The following PALLD variants were observed in gnomAD, a reference collection of about 807,000 sequenced individuals.
PALLD encodes palladin.
A neutral mutation model predicts 123.5 loss-of-function variants in PALLD; 61 were observed. That is an observed-to-expected ratio of 0.49 (90% CI 0.40 to 0.61). The LOEUF (loss-of-function observed/expected upper bound fraction) is 0.61, where lower values mean the gene tolerates loss of function less well. Ranked by LOEUF, PALLD falls within the 20% of genes least tolerant of loss-of-function variation. The probability of loss-of-function intolerance (pLI) is 0.00; values close to 1 mark genes in which losing one functional copy is unlikely to be tolerated. For synonymous variants in PALLD, 465 were observed against 496.4 expected (o/e 0.94, Z 0.84); for missense variants, 1,273 against 1,377.0 (o/e 0.92, Z 1.20).
chr4:168,575,454 G>A (rs1013919263), intron 2 of PALLD, among the ~76,000 whole-genome samples: 9 of 151,964 alleles, frequency 5.9e-5, no homozygotes, highest in Non-Finnish European at 1.3e-4. Context: ...CAGCATGGGG[G>A]AAACCGCCCC....
chr4:168,909,209 T>C (rs182566108), intron 15 of PALLD, among the ~76,000 whole-genome samples: 158 of 152,350 alleles, frequency 1.0e-3, no homozygotes, highest in African/African-American at 3.4e-3. Context: ...TTTTGTTGTG[T>C]TGCTAAGTTA....
intron 1 of PALLD, among the ~76,000 whole-genome samples, chr4:168,501,371 AC>A (rs1761381796): frequency 6.6e-6 from 1 of 152,168 alleles, no homozygotes; most frequent in South Asian, 2.1e-4. Context: ...CTATGATCAC[AC>A]CATCGCACTA....
At chr4:168,727,658 T>C (rs186315851) in intron 10 of PALLD, among the ~76,000 whole-genome samples, 16 of 152,342 alleles carry the variant, frequency 1.1e-4, no homozygotes, top group African/African-American at 3.8e-4. Flanking sequence ...TTCTGTAGGT[T>C]GTCTGTTTAC....
chr4:168,890,937 G>A lies in PALLD; in HGVS notation c.1980G>A (p.Lys660=). 1 of 1,614,030 alleles carries A rather than the reference G, an allele frequency of 6.2e-7. No individual in the cohort carries two copies. Among genetic ancestry groups the A allele is most frequent in the Non-Finnish European group, 8.5e-7 (1 of 1,179,946 alleles). ...LAKPKLGFPK[K]ASRTARIASD... The stretch of plus-strand genomic sequence containing the variant: ...TATCCTGCAGAGGATTTCCAAAGAA[G>A]GCCAGTAGAACTGCTAGAATAGCCT... Residue 660 remains lysine (K), a synonymous_variant, in exon 11 of 22, where the codon AAG becomes AAA. Transcript: ENST00000505667.
chr4:168,697,822 C>T (rs1272217798), intron 8 of PALLD, among the ~76,000 whole-genome samples: 1 of 152,154 alleles, frequency 6.6e-6, no homozygotes, highest in Non-Finnish European at 1.5e-5. Context: ...GAACACTAGG[C>T]ATAAATGGGT....
chr4:168,744,965 G>C (rs1788709872), intron 10 of PALLD, among the ~76,000 whole-genome samples: 1 of 152,128 alleles, frequency 6.6e-6, no homozygotes, highest in African/African-American at 2.4e-5. Flanking sequence ...AACTTACGAT[G>C]AGTTTATTGG....
chr4:168,644,107 T>A (rs1777209236), intron 2 of PALLD, among the ~76,000 whole-genome samples: 1 of 144,890 alleles, frequency 6.9e-6, no homozygotes, highest in African/African-American at 2.6e-5. Context: ...TTTTTTTTTT[T>A]AATGGAATCT....
intron 2 of PALLD, among the ~76,000 whole-genome samples, chr4:168,612,361 C>T (rs1288348551): frequency 1.3e-5 from 2 of 152,102 alleles, no homozygotes; most frequent in Admixed American, 6.5e-5. Flanking sequence ...CCACCCCCAA[C>T]CCAGGATTTC....
intron 6 of PALLD, among the ~76,000 whole-genome samples, chr4:168,687,579 G>C (rs1240765288): frequency 1.3e-5 from 2 of 152,198 alleles, no homozygotes; most frequent in Non-Finnish European, 2.9e-5. Context: ...GTCCATGCTG[G>C]TGGCACAAGG....
chr4:168,771,936 G>T (rs190662050), intron 10 of PALLD, among the ~76,000 whole-genome samples: 3 of 152,150 alleles, frequency 2.0e-5, no homozygotes, highest in Non-Finnish European at 2.9e-5. Context: ...AAGAGGGGTA[G>T]TATATATTTT....
chr4:168,559,734 A>G (rs1298204203), intron 2 of PALLD, among the ~76,000 whole-genome samples: 1 of 151,964 alleles, frequency 6.6e-6, no homozygotes, highest in Non-Finnish European at 1.5e-5. Context: ...CCATCTCTAC[A>G]AAAAATACAA....
At chr4:168,607,521 C>A (rs1054253439) in intron 2 of PALLD, among the ~76,000 whole-genome samples, 1 of 152,102 alleles carries the variant, frequency 6.6e-6, no homozygotes, top group East Asian at 1.9e-4. Flanking sequence ...AGTTATATAT[C>A]CATAATACTT....
chr4:168,881,781 TG>T (rs1248100919), intron 10 of PALLD, among the ~76,000 whole-genome samples: 1 of 152,188 alleles, frequency 6.6e-6, no homozygotes, highest in Non-Finnish European at 1.5e-5. Context: ...GGTAAGTTGG[TG>T]TTACAGCCTC....
At chr4:168,761,110 T>C (rs1426379978) in intron 10 of PALLD, among the ~76,000 whole-genome samples, 1 of 152,254 alleles carries the variant, frequency 6.6e-6, no homozygotes, top group African/African-American at 2.4e-5. Flanking sequence ...TCTGTTGTTC[T>C]TTCCTTCTTA....
At chr4:168,674,855 A>G (rs1197616456) in intron 3 of PALLD, among the ~76,000 whole-genome samples, 1 of 152,214 alleles carries the variant, frequency 6.6e-6, no homozygotes, top group Non-Finnish European at 1.5e-5. Context: ...GGTTTTTACA[A>G]TGTGTGTGTT....
At position 168,712,330 on chromosome 4, in the gene PALLD, T is replaced by C. The variant is rs1476037765; in HGVS notation, c.1964+407T>C. 18 of 279,664 alleles carry C rather than the reference T, an allele frequency of 6.4e-5. No individual in the cohort carries two copies. The East Asian group carries it at 1.0e-3, about 16-fold the overall frequency. 17.3% of individuals were successfully genotyped at this position (279,664 alleles called of 1,614,324 possible). A position where few individuals can be genotyped will look rare whatever the true frequency, so the allele number is the denominator to read the frequency against. Reference sequence around the variant, plus strand: ...TAAATATTAAGTATCAGTAAGAAGATCTGATATAGACAAGCGGGGAAAGAC... The same window carrying C: ...TAAATATTAAGTATCAGTAAGAAGACCTGATATAGACAAGCGGGGAAAGAC... On this transcript the variant is annotated intron_variant, in intron 10 of 21. Transcript: ENST00000505667.
intron 2 of PALLD, among the ~76,000 whole-genome samples, chr4:168,566,498 A>G (rs372543445): frequency 9.7e-4 from 147 of 152,054 alleles, no homozygotes; most frequent in African/African-American, 3.3e-3. Flanking sequence ...GGGTCTCCCT[A>G]TGCTGCCCAG....
chr4:168,888,488 T>C (rs1278716664), intron 10 of PALLD, among the ~76,000 whole-genome samples: 1 of 152,146 alleles, frequency 6.6e-6, no homozygotes, highest in Non-Finnish European at 1.5e-5. Flanking sequence ...CATTGGCACA[T>C]ATGGGTTCTC....
At chr4:168,860,959 A>AT (rs753721208) in intron 10 of PALLD, among the ~76,000 whole-genome samples, 21 of 152,234 alleles carry the variant, frequency 1.4e-4, no homozygotes, top group Non-Finnish European at 2.9e-4. Flanking sequence ...GCTGGTTTCT[A>AT]TGTACTTCAA....
Sources: gnomAD v4.1 joint callset for allele counts (sites outside exome capture counted in the v4.1 genomes callset) on GRCh38, gnomAD v4.1.1 for gene constraint, MANE v1.5 for transcripts, NCBI Gene and HGNC (gene_info 2026-07-23, HGNC 2026-07-21) for gene names.